Variants in TMEM182 observed in about 807,000 individuals in gnomAD.
TMEM182 encodes transmembrane protein 182.
A neutral mutation model predicts 26.8 loss-of-function variants in TMEM182; 20 were observed. The ratio of observed to expected loss-of-function variants is 0.75; its 90% CI spans 0.53 to 1.09. The LOEUF (loss-of-function observed/expected upper bound fraction) is 1.09. Among genes scored for constraint, TMEM182 ranks in the 50% least tolerant of loss-of-function variants. The pLI is 0.00. For synonymous variants in TMEM182, 109 were observed against 102.2 expected, an observed-to-expected ratio of 1.07 and a Z score of -0.40; for missense variants, 277 against 275.5, an observed-to-expected ratio of 1.01 and a Z score of -0.04.
At chr2:102,828,734 T>C (rs1288023852) in intron 3 of TMEM182, among the ~76,000 whole-genome samples, 1 of 152,182 alleles carries the variant, frequency 6.6e-6, no homozygotes, top group East Asian at 1.9e-4. Context: ...AGGAGCTCAG[T>C]AGATGTCGGC....
At chr2:102,804,080 G>A (rs1682256878) in intron 4 of TMEM182, among the ~76,000 whole-genome samples, 1 of 152,216 alleles carries the variant, frequency 6.6e-6, no homozygotes, top group Admixed American at 6.5e-5. Flanking sequence ...GGAGGGGCTG[G>A]CCAAGGTGTG....
intron 3 of TMEM182, among the ~76,000 whole-genome samples, chr2:102,781,738 A>C (rs1397855913): frequency 6.6e-6 from 1 of 152,172 alleles, no homozygotes; most frequent in African/African-American, 2.4e-5. Flanking sequence ...CCGAAATCTA[A>C]TCCTTGGATT....
At chr2:102,799,924 G>T (rs1682044521) in intron 4 of TMEM182, among the ~76,000 whole-genome samples, 2 of 152,102 alleles carry the variant, frequency 1.3e-5, no homozygotes, top group South Asian at 4.1e-4. Flanking sequence ...AGGCAGGAGG[G>T]CAGGAGAAGG....
intron 3 of TMEM182, among the ~76,000 whole-genome samples, chr2:102,788,902 C>A (rs537595367): frequency 6.6e-6 from 1 of 152,144 alleles, no homozygotes; most frequent in Non-Finnish European, 1.5e-5. Context: ...GGCATGTTCA[C>A]GATTGTGGGG....
chr2:102,824,787 A>G (rs1405244709), intron 3 of TMEM182, among the ~76,000 whole-genome samples: 2 of 152,216 alleles, frequency 1.3e-5, no homozygotes, highest in South Asian at 2.1e-4. Flanking sequence ...AGATCACACC[A>G]CAGCACTCCA....
chr2:102,837,499 G>A (rs1034992410), intron 3 of TMEM182, among the ~76,000 whole-genome samples: 3 of 149,394 alleles, frequency 2.0e-5, no homozygotes, highest in Non-Finnish European at 4.4e-5. Flanking sequence ...ATAGGCCAGC[G>A]TGGGCCCTGT....
chr2:102,838,382 G>A (rs1173172991), intron 3 of TMEM182, among the ~76,000 whole-genome samples: 1 of 152,176 alleles, frequency 6.6e-6, no homozygotes. Context: ...ATAACTAAAT[G>A]AGTGTAATGC....
At chr2:102,798,080 G>A (rs918493702) in intron 4 of TMEM182, 80 bp downstream of exon 4, 72 of 1,501,316 alleles carry the variant, frequency 4.8e-5, no homozygotes, top group South Asian at 1.7e-4. Context: ...ATATTCAGGC[G>A]TCAGCCTTCT....
In TMEM182 at chr2:102,777,165, GTC is replaced by G. The variant is rs1573521182; in HGVS notation, c.331+12742_331+12743del. 3.3e-5 allele frequency among the ~76,000 whole-genome samples: 5 copies of G among 151,938 alleles called. No homozygotes were observed. In the East Asian group the frequency reaches 9.7e-4, roughly 29 times the overall value. ...TTTAAATTTTAATAAAGTCCAATTT[GTC>G]TCTGTTTTTTTTCTTGGGTGATGCT... is the stretch of plus-strand genomic sequence containing the variant. On this transcript the variant is annotated intron_variant, in intron 3 of 4. Transcript: ENST00000412401.
In TMEM182 at chr2:102,814,877, C is replaced by G; in HGVS notation, c.599C>G (p.Ser200Ter). ...ACCCCTTCTGTTCTGTATGGCTGGTCATTTTTCCTGGCCCCAGCTGGGATA... is the reference window on the plus strand; with the variant it reads ...ACCCCTTCTGTTCTGTATGGCTGGTGATTTTTCCTGGCCCCAGCTGGGATA... ...DFTPSVLYGW[S>*]FFLAPAGIFF... The change falls in exon 5 of 5, where the codon TCA (serine) becomes TGA (stop). Residue 200 changes from serine to a stop codon, truncating the protein, a stop_gained. Coordinates refer to ENST00000412401, the MANE Select transcript of TMEM182 (RefSeq NM_144632.5). LOFTEE classifies it high-confidence loss of function. 1.2e-6 allele frequency: 2 copies of G among 1,613,918 alleles called. No homozygotes were observed. Among genetic ancestry groups the G allele is most frequent in the Non-Finnish European group, 1.7e-6 (2 of 1,179,972 alleles).
At chr2:102,768,856 A>G (rs1680565783) in intron 3 of TMEM182, among the ~76,000 whole-genome samples, 1 of 151,876 alleles carries the variant, frequency 6.6e-6, no homozygotes, top group Non-Finnish European at 1.5e-5. Flanking sequence ...TGTAAGCTGA[A>G]GTGAATGATG....
chr2:102,830,097 T>C (rs1323196769), intron 3 of TMEM182, among the ~76,000 whole-genome samples: 3 of 152,248 alleles, frequency 2.0e-5, no homozygotes, highest in Non-Finnish European at 4.4e-5. Context: ...GTTTATGTCT[T>C]CTGCAGTCTA....
chr2:102,779,067 T>A (rs1681049693), intron 3 of TMEM182, among the ~76,000 whole-genome samples: 2 of 152,276 alleles, frequency 1.3e-5, no homozygotes, highest in South Asian at 2.1e-4. Flanking sequence ...TTTCCTTTCA[T>A]TACTGAATTA....
chr2:102,789,613 G>A (rs992459390), intron 3 of TMEM182, among the ~76,000 whole-genome samples: 1 of 152,076 alleles, frequency 6.6e-6, no homozygotes, highest in African/African-American at 2.4e-5. Context: ...GCTCCCACTT[G>A]GGCTTGCTAC....
intron 2 of TMEM182, among the ~76,000 whole-genome samples, chr2:102,763,982 T>C (rs1237351365): frequency 1.3e-5 from 2 of 152,220 alleles, no homozygotes; most frequent in African/African-American, 4.8e-5. Flanking sequence ...AATTATTTTT[T>C]ATTCCCTACT....
chr2:102,743,844 C>CA (rs1375806496), intron 1 of TMEM182, among the ~76,000 whole-genome samples: 1 of 151,774 alleles, frequency 6.6e-6, no homozygotes, highest in Admixed American at 6.6e-5. Context: ...TATTTCAAAA[C>CA]AAAAAAAGAA....
intron 3 of TMEM182, among the ~76,000 whole-genome samples, chr2:102,793,369 G>A (rs1056583318): frequency 6.6e-6 from 1 of 152,136 alleles, no homozygotes; most frequent in African/African-American, 2.4e-5. Flanking sequence ...GATGGTATGA[G>A]AACTTCGTAG....
chr2:102,758,948 C>T (rs539287587), upstream of TMEM182, among the ~76,000 whole-genome samples: 19 of 152,252 alleles, frequency 1.2e-4, no homozygotes, highest in Non-Finnish European at 2.1e-4. Context: ...TGGCATTTAT[C>T]CGGGCTCTTC....
At chr2:102,744,346 G>A (rs1408654899) in intron 1 of TMEM182, among the ~76,000 whole-genome samples, 1 of 152,044 alleles carries the variant, frequency 6.6e-6, no homozygotes, top group African/African-American at 2.4e-5. Flanking sequence ...GAAAATATTT[G>A]AAACAAACTA....
Sources: gnomAD v4.1 joint callset for allele counts (sites outside exome capture counted in the v4.1 genomes callset) on GRCh38, gnomAD v4.1.1 for gene constraint, MANE v1.5 for transcripts, NCBI Gene and HGNC (gene_info 2026-07-23, HGNC 2026-07-21) for gene names.